The following CRYBG3 variants were observed in gnomAD, a reference collection of about 807,000 sequenced individuals.
CRYBG3 encodes the protein crystallin beta-gamma domain containing 3.
Under a neutral mutation model 244.2 loss-of-function variants are expected in CRYBG3, and 127 were observed. That is an observed-to-expected ratio of 0.52 (90% CI 0.45 to 0.60). CRYBG3 has a LOEUF of 0.60. CRYBG3 is among the 20% of genes least tolerant of loss of function. The probability of loss-of-function intolerance (pLI) is 0.00; values close to 1 mark genes in which losing one functional copy is unlikely to be tolerated. For synonymous variants in CRYBG3, 1,132 were observed against 1,195.8 expected (o/e 0.95, Z 1.10); for missense variants, 3,325 against 3,442.5 (o/e 0.97, Z 0.85).
intron 1 of CRYBG3, among the ~76,000 whole-genome samples, chr3:97,826,229 A>G (rs536762635): frequency 7.9e-5 from 12 of 152,302 alleles, no homozygotes; most frequent in African/African-American, 2.9e-4. Context: ...CTTGGGTTCA[A>G]TAAGGTGTCT....
At chr3:97,848,769 C>T (rs747837348) in intron 2 of CRYBG3, among the ~76,000 whole-genome samples, 1 of 152,204 alleles carries the variant, frequency 6.6e-6, no homozygotes, top group Non-Finnish European at 1.5e-5. Flanking sequence ...ATAGTTGCAG[C>T]AGTATCATGT....
chr3:97,932,949 A>T (rs1001644770), intron 17 of CRYBG3, among the ~76,000 whole-genome samples: 5 of 152,070 alleles, frequency 3.3e-5, no homozygotes, highest in Non-Finnish European at 7.4e-5. Context: ...CTTTCTACTG[A>T]GGACTCTGAC....
intron 15 of CRYBG3, among the ~76,000 whole-genome samples, chr3:97,908,706 G>T (rs1268946673): frequency 2.0e-5 from 3 of 152,118 alleles, no homozygotes; most frequent in Admixed American, 6.5e-5. Context: ...TATCCAATTT[G>T]CCAGTCTGTG....
intron 17 of CRYBG3, chr3:97,933,000 T>G (rs1202359537): frequency 2.6e-6 from 1 of 382,044 alleles, no homozygotes; most frequent in African/African-American, 2.2e-5. Context: ...TTACAATATC[T>G]GTACAGTTTT....
At chr3:97,850,322 G>A (rs1240362475) in intron 2 of CRYBG3, among the ~76,000 whole-genome samples, 3 of 152,048 alleles carry the variant, frequency 2.0e-5, no homozygotes, top group African/African-American at 7.2e-5. Flanking sequence ...AGAGGTAACT[G>A]TTTTGGGTCA....
Position 97,871,888 on chromosome 3 carries a change from T to C in CRYBG3, c.694T>C (p.Tyr232His). 2 of 1,529,656 alleles carry C rather than the reference T, an allele frequency of 1.3e-6. No homozygotes were observed. The allele number at this position is 1,529,656 out of a possible 1,614,324, so 94.8% of individuals were successfully genotyped here. Residue 232 changes from tyrosine to histidine, a missense_variant, in exon 4 of 22, where the codon TAT (tyrosine) becomes CAT (histidine). Tyr to His is a moderately conservative substitution (Grantham distance 83). Transcript: ENST00000389622. ...PEKPSVTYAT[Y>H]RGPRHIGKYL... ...GAAGCCTTCAGTAACATATGCAACA[T>C]ATCGAGGCCCAAGACACATTGGGAA... is the stretch of plus-strand genomic sequence containing the variant.
chr3:97,829,755 G>A (rs1559710937), intron 1 of CRYBG3, among the ~76,000 whole-genome samples: 1 of 152,186 alleles, frequency 6.6e-6, no homozygotes, highest in South Asian at 2.1e-4. Context: ...TTAACAAGGT[G>A]CAGCATTGTC....
chr3:97,878,120 C>G (rs771033801), intron 4 of CRYBG3, 83 bp downstream of exon 4: 355 of 1,316,324 alleles, frequency 2.7e-4, no homozygotes, highest in Non-Finnish European at 3.2e-4. Context: ...TAAGAAAAGT[C>G]AATGTTTTGG....
Position 97,875,259 on chromosome 3 carries a change from TAGAG to T in CRYBG3, c.4068_4071del (p.Arg1356SerfsTer9), listed in dbSNP as rs1261540290. The T allele has an allele frequency of 1.3e-6, 2 of 1,491,052 alleles. No homozygotes were observed. Among genetic ancestry groups the T allele is most frequent in the Non-Finnish European group, 1.8e-6 (2 of 1,128,748 alleles). 92.4% of individuals were successfully genotyped at this position (1,491,052 alleles called of 1,614,324 possible). On this transcript the variant is annotated frameshift_variant, in exon 4 of 22. Transcript: ENST00000389622. LOFTEE classifies it high-confidence loss of function. The stretch of plus-strand genomic sequence containing the variant: ...ATAGTGTTAAGCCACATGATGTAGT[TAGAG>T]AGTTCTTGGTTTCAGAACAGCCAGT...
chr3:97,872,549 G>T lies in CRYBG3; in HGVS notation c.1355G>T (p.Ser452Ile), dbSNP rs1314353474. ...SDGSDTTEQE[S>I]TNLPSPNKSI... ...GGGAGTGACACTACTGAGCAGGAAA[G>T]TACAAATTTGCCAAGTCCAAATAAA... Residue 452 changes from serine to isoleucine, a missense_variant, in exon 4 of 22, where the codon AGT becomes ATT. This residue lies in a region of CRYBG3 where 1,526 missense variants were observed against 1,443.2 expected (regional missense o/e 1.06). Coordinates refer to ENST00000389622, the MANE Select transcript of CRYBG3 (RefSeq NM_153605.4). 3.9e-6 allele frequency: 6 copies of T among 1,535,858 alleles called. No homozygotes were observed. The highest frequency in any genetic ancestry group is 8.7e-7 in the Non-Finnish European group (1 of 1,146,832).
rs142725765 is a variant in CRYBG3 at position 97,938,991 on chromosome 3, G to A, written c.8505+2083G>A. Reference sequence around the variant, plus strand: ...ATCAGAAAAAGCAAAGTAGAGATAGGAATTCAGTTTAGCTTTTACTAACTA... The same window carrying A: ...ATCAGAAAAAGCAAAGTAGAGATAGAAATTCAGTTTAGCTTTTACTAACTA... On this transcript the variant is annotated intron_variant, in intron 19 of 21. Coordinates refer to ENST00000389622, the MANE Select transcript of CRYBG3 (RefSeq NM_153605.4). Among the ~76,000 whole-genome samples, 268 of 152,014 alleles carry A rather than the reference G, an allele frequency of 1.8e-3. 1 individual carries two copies. The highest frequency in any genetic ancestry group is 2.7e-3 in the Non-Finnish European group (183 of 67,930).
rs1274533108 is a variant in CRYBG3 at position 97,864,634 on chromosome 3, A to G, written c.634A>G (p.Thr212Ala). ...AACACAAGACAGTGACCAAGAAACC[A>G]CTAATTTGCTAAAGTAAGTTTAAAA... ...DTTQDSDQET[T>A]NLLKQIDGKP... The change falls in exon 3 of 22, where the codon ACT becomes GCT. Residue 212 changes from threonine to alanine, a missense_variant. Physicochemically the swap from Thr to Ala is moderately conservative, Grantham distance 58. Around this residue, in one of 4 missense-constraint regions of CRYBG3, gnomAD observed 1,526 missense variants for 1,443.2 expected, o/e 1.06. Coordinates refer to ENST00000389622, the MANE Select transcript of CRYBG3 (RefSeq NM_153605.4). 8 of 1,509,972 alleles carry G rather than the reference A, an allele frequency of 5.3e-6. No homozygotes were observed. The East Asian group carries it at 7.4e-5, about 14-fold the overall frequency. The allele number at this position is 1,509,972 out of a possible 1,614,324, so 93.5% of individuals were successfully genotyped here.
rs759911095 is a variant in CRYBG3, at chr3:97,874,090, G to C, written c.2896G>C (p.Val966Leu). The change falls in exon 4 of 22, where the codon GTG becomes CTG. Residue 966 changes from valine to leucine, a missense_variant. This residue lies in a region of CRYBG3 where 1,526 missense variants were observed against 1,443.2 expected (regional missense o/e 1.06). Coordinates refer to ENST00000389622, the MANE Select transcript of CRYBG3 (RefSeq NM_153605.4). Reference protein sequence around the residue: ...MAQNCEAHTCVFHQSLDICGT... With the variant: ...MAQNCEAHTCLFHQSLDICGT... ...GCAGAATTGTGAAGCTCACACTTGT[G>C]TGTTTCATCAATCTTTGGATATTTG... 1 of 1,535,654 alleles carries C rather than the reference G, an allele frequency of 6.5e-7. No individual in the cohort carries two copies. The highest frequency in any genetic ancestry group is 8.7e-7 in the Non-Finnish European group (1 of 1,146,802).
In CRYBG3 at chr3:97,941,285, C is replaced by T. The variant is rs748587493; in HGVS notation, c.8643C>T (p.Cys2881=). The part of the protein sequence containing the change: ...SGKNTQIWYY[C]RGLFKSKASD... ...AGAATACTCAGATCTGGTACTACTG[C>T]CGAGGACTCTTTAAATCCAAGGTAA... Residue 2881 remains cysteine (C), a synonymous_variant, in exon 20 of 22, where the codon TGC becomes TGT. Coordinates refer to ENST00000389622, the MANE Select transcript of CRYBG3 (RefSeq NM_153605.4). 3.7e-6 allele frequency: 6 copies of T among 1,609,102 alleles called. No individual in the cohort carries two copies. The highest frequency in any genetic ancestry group is 5.1e-6 in the Non-Finnish European group (6 of 1,176,954).
chr3:97,868,283 C>CAAAA (rs11429773), intron 3 of CRYBG3, among the ~76,000 whole-genome samples: 1 of 117,044 alleles, frequency 8.5e-6, no homozygotes, highest in Non-Finnish European at 1.7e-5. Context: ...GACTCCATCT[C>CAAAA]AAAAAAAAAA....
chr3:97,939,146 G>C (rs832088), intron 19 of CRYBG3, among the ~76,000 whole-genome samples: 118,503 of 151,862 alleles, frequency 0.78, 46,529 homozygotes, highest in East Asian at 0.85. Flanking sequence ...GTTCAAGATT[G>C]TCTGGTAAAG....
chr3:97,933,469 A>T, intron 17 of CRYBG3: 1 of 605,064 alleles, frequency 1.7e-6, no homozygotes, highest in South Asian at 1.7e-5. Flanking sequence ...TATGAGATTG[A>T]TTGCTTTTCT....
intron 17 of CRYBG3, among the ~76,000 whole-genome samples, chr3:97,919,632 T>G (rs1403960752): frequency 6.6e-6 from 1 of 151,586 alleles, no homozygotes; most frequent in African/African-American, 2.4e-5. Context: ...CTAAGGAAGT[T>G]TAAGTGTTTT....
intron 2 of CRYBG3, among the ~76,000 whole-genome samples, chr3:97,857,440 A>G (rs1359160553): frequency 7.1e-6 from 1 of 140,222 alleles, no homozygotes; most frequent in Non-Finnish European, 1.5e-5. Context: ...TTTTTGGTCT[A>G]GATATGTCCA....
Sources: gnomAD v4.1 joint callset for allele counts (sites outside exome capture counted in the v4.1 genomes callset) on GRCh38, gnomAD v4.1.1 for gene constraint, gnomAD v4.1.1 regional missense constraint, MANE v1.5 for transcripts, NCBI Gene and HGNC (gene_info 2026-07-23, HGNC 2026-07-21) for gene names.